The following FAM20C variants were observed in gnomAD, a reference collection of about 807,000 sequenced individuals.
The protein encoded by FAM20C is FAM20C golgi associated secretory pathway kinase, also known as extracellular serine/threonine protein kinase FAM20C.
A neutral mutation model predicts 51.5 loss-of-function variants in FAM20C; 40 were observed. The observed-to-expected ratio is 0.78, with a 90% confidence interval of 0.60 to 1.01. The LOEUF (loss-of-function observed/expected upper bound fraction) is 1.01, where lower values mean the gene tolerates loss of function less well. Ranked by LOEUF, FAM20C falls within the 50% of genes least tolerant of loss-of-function variation. FAM20C has a pLI of 0.00. For synonymous variants in FAM20C, 406 were observed against 380.6 expected (o/e 1.07, Z -0.78); for missense variants, 861 against 844.7 (o/e 1.02, Z -0.24).
chr7:214,479 G>C (rs906192112), intron 3 of FAM20C, among the ~76,000 whole-genome samples: 1 of 152,220 alleles, frequency 6.6e-6, no homozygotes, highest in Non-Finnish European at 1.5e-5. Flanking sequence ...CTGAAAGCAC[G>C]TGTGTTAGGC....
intron 3 of FAM20C, among the ~76,000 whole-genome samples, chr7:209,559 AG>A (rs1786603204): frequency 3.1e-5 from 3 of 97,558 alleles, no homozygotes; most frequent in South Asian, 8.1e-4. Flanking sequence ...AAACTGTGTC[AG>A]TCACCAAAAC....
intron 3 of FAM20C, among the ~76,000 whole-genome samples, chr7:222,755 T>C (rs1362707022): frequency 6.6e-6 from 1 of 152,138 alleles, no homozygotes; most frequent in Non-Finnish European, 1.5e-5. Flanking sequence ...GGCATGAGCA[T>C]GTGCTCATGT....
intron 2 of FAM20C, among the ~76,000 whole-genome samples, chr7:205,352 G>A (rs1021118094): frequency 1.8e-4 from 27 of 150,506 alleles, no homozygotes; most frequent in South Asian, 6.3e-4. Flanking sequence ...GCACCGCCAC[G>A]ACGTCAGCCT....
Position 257,916 on chromosome 7 carries a change from A to ACC in FAM20C, c.1446-729_1446-728insCC, listed in dbSNP as rs1423765408. On this transcript the variant is annotated intron_variant, in intron 8 of 9. Coordinates refer to ENST00000313766, the MANE Select transcript of FAM20C (RefSeq NM_020223.4). ...AGGATGCTGGAGATGGGCTGGGTGG[A>ACC]CACACTGCCTGGGGTGCTGGAGATG... Among the ~76,000 whole-genome samples the ACC allele has an allele frequency of 8.3e-5, 11 of 133,184 alleles. 3 individuals carry two copies. The highest frequency in any genetic ancestry group is 7.1e-4 in the East Asian group (3 of 4,230). The allele number at this position is 133,184 out of a possible 152,430, so 87.4% of individuals were successfully genotyped here.
chr7:247,085 C>T (rs144521672), intron 4 of FAM20C, among the ~76,000 whole-genome samples: 1,765 of 152,330 alleles, frequency 0.012, 36 homozygotes, highest in African/African-American at 0.039. Flanking sequence ...ACTCACAGAG[C>T]ACAGGCTTCT....
chr7:211,291 C>G (rs1349194597), intron 3 of FAM20C, among the ~76,000 whole-genome samples: 1 of 150,190 alleles, frequency 6.7e-6, no homozygotes, highest in Non-Finnish European at 1.5e-5. Context: ...TCTGAGCCTC[C>G]CCTTAGACAT....
At chr7:226,979 C>T (rs1057133537) in intron 3 of FAM20C, among the ~76,000 whole-genome samples, 1 of 152,178 alleles carries the variant, frequency 6.6e-6, no homozygotes, top group African/African-American at 2.4e-5. Context: ...GCCGTCCAAG[C>T]CCACACTGGC....
At position 208,984 on chromosome 7, in the gene FAM20C, C is replaced by CCGA. The variant is rs1168422425; in HGVS notation, c.863+9_863+11dup. 6.3e-7 allele frequency: 1 copy of CCGA among 1,574,952 alleles called. No individual in the cohort carries two copies. The stretch of plus-strand genomic sequence containing the variant: ...GCTGTTCAAACCCATGAAGTAAGTG[C>CCGA]CGAGGCCTGTGGGCTGGGGCGTGAG... On this transcript the variant is annotated intron_variant, in intron 3 of 9. Coordinates refer to ENST00000313766, the MANE Select transcript of FAM20C (RefSeq NM_020223.4).
chr7:244,531 C>T (rs550986611), intron 3 of FAM20C, among the ~76,000 whole-genome samples: 29 of 152,340 alleles, frequency 1.9e-4, no homozygotes, highest in East Asian at 3.9e-4. Flanking sequence ...CTCAGGATCC[C>T]GGCCAGTCTG....
intron 3 of FAM20C, among the ~76,000 whole-genome samples, chr7:244,465 T>C (rs1384020258): frequency 2.6e-5 from 4 of 152,194 alleles, no homozygotes; most frequent in Non-Finnish European, 4.4e-5. Flanking sequence ...TGAAATCCAT[T>C]TGCCAGCGCT....
At position 257,067 on chromosome 7, in the gene FAM20C, C is replaced by T; in HGVS notation, c.1426C>T (p.His476Tyr). 1 of 1,537,102 alleles carries T rather than the reference C, an allele frequency of 6.5e-7. No individual in the cohort carries two copies. Among genetic ancestry groups the T allele is most frequent in the African/African-American group, 1.4e-5 (1 of 73,174 alleles). Residue 476 changes from histidine to tyrosine, a missense_variant, in exon 8 of 10, where the codon CAC becomes TAC. By Grantham distance (83) the His-to-Tyr change is moderately conservative. This residue lies in a region of FAM20C where 269 missense variants were observed against 283.8 expected (regional missense o/e 0.95). Coordinates refer to ENST00000313766, the MANE Select transcript of FAM20C (RefSeq NM_020223.4). Reference sequence around the variant, plus strand: ...GTTTGGGAATGAAACGTTCATCATCCACTTAGACAATGGAAGAGGGTGAGC... The same window carrying T: ...GTTTGGGAATGAAACGTTCATCATCTACTTAGACAATGGAAGAGGGTGAGC... ...EKFGNETFII[H>Y]LDNGRGFGKY...
chr7:257,193 A>AG, intron 8 of FAM20C, 107 bp downstream of exon 8: 1 of 1,097,396 alleles, frequency 9.1e-7, no homozygotes, highest in Non-Finnish European at 1.3e-6. Flanking sequence ...CCTCCAGTGG[A>AG]GGGATGGGAA....
intron 8 of FAM20C, among the ~76,000 whole-genome samples, chr7:257,740 C>CT (rs1186871620): frequency 7.1e-6 from 1 of 140,574 alleles, no homozygotes; most frequent in Non-Finnish European, 1.5e-5. Context: ...GGTGGACCCA[C>CT]TGCCTGGGGT....
chr7:248,891 C>T (rs1788287888), intron 5 of FAM20C, among the ~76,000 whole-genome samples: 1 of 152,162 alleles, frequency 6.6e-6, no homozygotes, highest in Non-Finnish European at 1.5e-5. Flanking sequence ...GCCCTGTGCC[C>T]CCTTCCACAC....
At chr7:224,478 T>C (rs1188060446) in intron 3 of FAM20C, among the ~76,000 whole-genome samples, 4 of 5,582 alleles carry the variant, frequency 7.2e-4, no homozygotes, top group Non-Finnish European at 1.4e-3. Flanking sequence ...TTGCGCAGAA[T>C]GGCACCGTCA....
At chr7:249,365 AC>A (rs1788305957) in intron 5 of FAM20C, among the ~76,000 whole-genome samples, 2 of 152,216 alleles carry the variant, frequency 1.3e-5, no homozygotes, top group Non-Finnish European at 2.9e-5. Flanking sequence ...GGTTTATAAA[AC>A]CTTCAAGACT....
At chr7:223,501 G>A (rs902547861) in intron 3 of FAM20C, among the ~76,000 whole-genome samples, 2 of 152,236 alleles carry the variant, frequency 1.3e-5, no homozygotes, top group South Asian at 2.1e-4. Context: ...CACTGCAAAG[G>A]ATGCAGGAGG....
chr7:203,139 C>T (rs889118338), intron 2 of FAM20C, among the ~76,000 whole-genome samples: 12 of 152,128 alleles, frequency 7.9e-5, no homozygotes, highest in African/African-American at 1.2e-4. Context: ...CCGCCTCAGC[C>T]GGCTTCATGG....
Position 205,327 on chromosome 7 carries a change from C to T in FAM20C, c.785-3571C>T, listed in dbSNP as rs113539786. 5.8e-3 allele frequency among the ~76,000 whole-genome samples: 762 copies of T among 131,154 alleles called. 1 individual carries two copies. Among genetic ancestry groups the T allele is most frequent in the African/African-American group, 0.012 (342 of 29,114 alleles). The allele number at this position is 131,154 out of a possible 152,430, so 86.0% of individuals were successfully genotyped here. A position where few individuals can be genotyped will look rare whatever the true frequency, so the allele number is the denominator to read the frequency against. On this transcript the variant is annotated intron_variant, in intron 2 of 9. Transcript: ENST00000313766. ...CCACGACGTCAGCCCCCCGAGTAGCCGGGACCACGGACACGCACCGCCACG... is the reference window on the plus strand; with the variant it reads ...CCACGACGTCAGCCCCCCGAGTAGCTGGGACCACGGACACGCACCGCCACG...
Sources: allele counts gnomAD v4.1 joint callset (sites outside exome capture counted in the v4.1 genomes callset), GRCh38; gene constraint gnomAD v4.1.1; regional missense constraint gnomAD v4.1.1; transcripts MANE v1.5; gene names NCBI Gene and HGNC (gene_info 2026-07-23, HGNC 2026-07-21).